Variants in TIAM1 observed in about 807,000 individuals in gnomAD.
TIAM1 encodes the protein TIAM Rac1 associated GEF 1, also known as rho guanine nucleotide exchange factor TIAM1.
Under a neutral mutation model 163.5 loss-of-function variants are expected in TIAM1, and 65 were observed. The ratio of observed to expected loss-of-function variants is 0.40; its 90% CI spans 0.33 to 0.49. The LOEUF (loss-of-function observed/expected upper bound fraction) is 0.49, where lower values mean the gene tolerates loss of function less well. Among genes scored for constraint, TIAM1 ranks in the 20% least tolerant of loss-of-function variants. The pLI, the probability that TIAM1 is intolerant of heterozygous loss-of-function variation, is 0.77. For synonymous variants in TIAM1, 833 were observed against 810.1 expected (o/e 1.03, Z -0.48); for missense variants, 1,789 against 2,044.7 (o/e 0.87, Z 2.41).
intron 2 of TIAM1, among the ~76,000 whole-genome samples, chr21:31,418,341 CAAAAAAAAAA>C (rs71193114): frequency 2.6e-4 from 9 of 34,746 alleles, no homozygotes; most frequent in Admixed American, 1.5e-3. Flanking sequence ...GACTCTGTCT[CAAAAAAAAAA>C]AAAAAAAAAA....
intron 1 of TIAM1, among the ~76,000 whole-genome samples, chr21:31,498,594 G>A (rs1053884933): frequency 1.3e-5 from 2 of 152,178 alleles, no homozygotes; most frequent in East Asian, 1.9e-4. Flanking sequence ...AAATGTGATT[G>A]ATATTTGTAT....
At chr21:31,430,219 AAAAAAAATATATATATATATATAT>A (rs1411520510) in intron 2 of TIAM1, among the ~76,000 whole-genome samples, 7 of 110,976 alleles carry the variant, frequency 6.3e-5, no homozygotes, top group African/African-American at 3.1e-4. Context: ...AGAAAAAAAA[AAAAAAAATATATATATATATATAT>A]ATATACACAC....
intron 12 of TIAM1, 65 bp from the exon 13 acceptor site, chr21:31,195,370 A>G: frequency 1.7e-6 from 2 of 1,163,494 alleles, no homozygotes; most frequent in South Asian, 2.7e-5. Flanking sequence ...AATGGTCATC[A>G]TTTCATAAAT....
chr21:31,304,306 C>T (rs997688021), intron 2 of TIAM1, among the ~76,000 whole-genome samples: 11 of 151,902 alleles, frequency 7.2e-5, no homozygotes, highest in East Asian at 5.8e-4. Flanking sequence ...GGAAGGAAAA[C>T]GAAGAGAAGG....
intron 15 of TIAM1, among the ~76,000 whole-genome samples, chr21:31,172,081 T>C (rs2084537939): frequency 1.3e-5 from 2 of 152,030 alleles, no homozygotes; most frequent in African/African-American, 4.8e-5. Flanking sequence ...TATTACGTGG[T>C]AGTAGATAAC....
intron 2 of TIAM1, among the ~76,000 whole-genome samples, chr21:31,291,822 C>T (rs1350680389): frequency 2.6e-5 from 4 of 152,154 alleles, no homozygotes; most frequent in South Asian, 4.2e-4. Context: ...CGTGCCCAGC[C>T]GAATTCCATG....
intron 2 of TIAM1, among the ~76,000 whole-genome samples, chr21:31,394,637 C>T (rs1459219775): frequency 6.6e-6 from 1 of 151,732 alleles, no homozygotes; most frequent in East Asian, 1.9e-4. Flanking sequence ...GCGCTTTCCA[C>T]CCAATTTGGC....
At chr21:31,156,010 GT>G (rs960843701) in intron 16 of TIAM1, among the ~76,000 whole-genome samples, 7 of 152,212 alleles carry the variant, frequency 4.6e-5, no homozygotes, top group African/African-American at 1.4e-4. Flanking sequence ...CAAGGCTGCT[GT>G]TTTGTGTAGG....
intron 20 of TIAM1, among the ~76,000 whole-genome samples, chr21:31,142,562 C>T (rs1253075911): frequency 7.4e-6 from 1 of 136,002 alleles, no homozygotes; most frequent in Non-Finnish European, 1.5e-5. Flanking sequence ...ACCTGGGAGG[C>T]GGAGGTTGCA....
At chr21:31,351,643 T>C (rs1017639577) in intron 2 of TIAM1, among the ~76,000 whole-genome samples, 4 of 151,990 alleles carry the variant, frequency 2.6e-5, no homozygotes, top group African/African-American at 9.7e-5. Context: ...CCCAAACAAA[T>C]TACAGAGGCA....
At chr21:31,302,229 A>G (rs558654149) in intron 2 of TIAM1, among the ~76,000 whole-genome samples, 2 of 152,222 alleles carry the variant, frequency 1.3e-5, no homozygotes, top group South Asian at 2.1e-4. Context: ...ACTGTCTTAT[A>G]TAAAATTAAA....
intron 2 of TIAM1, among the ~76,000 whole-genome samples, chr21:31,360,715 AC>A (rs1373248175): frequency 6.6e-6 from 1 of 152,238 alleles, no homozygotes; most frequent in African/African-American, 2.4e-5. Flanking sequence ...AATAAGAAAA[AC>A]ATCAACTACC....
chr21:31,312,844 T>C (rs376073439), intron 2 of TIAM1, among the ~76,000 whole-genome samples: 1 of 151,988 alleles, frequency 6.6e-6, no homozygotes, highest in South Asian at 2.1e-4. Flanking sequence ...CCAGACAGAA[T>C]GACGGGAAGA....
intron 2 of TIAM1, among the ~76,000 whole-genome samples, chr21:31,458,247 C>T (rs1193933642): frequency 1.3e-5 from 2 of 151,900 alleles, no homozygotes; most frequent in African/African-American, 4.8e-5. Flanking sequence ...TAGTGAAATC[C>T]GTCCCTACTA....
chr21:31,300,209 C>T (rs1000740043), intron 2 of TIAM1, among the ~76,000 whole-genome samples: 34 of 152,234 alleles, frequency 2.2e-4, no homozygotes, highest in African/African-American at 7.7e-4. Flanking sequence ...CCCCTGACTC[C>T]ACACTCTGGC....
chr21:31,228,245 AAAAAAAAAAAAAAAG>A (rs2088163309), intron 6 of TIAM1, among the ~76,000 whole-genome samples: 1 of 67,088 alleles, frequency 1.5e-5, no homozygotes. Flanking sequence ...AAAAAAAAAA[AAAAAAAAAAAAAAAG>A]GAAGGAAAAA....
intron 1 of TIAM1, among the ~76,000 whole-genome samples, chr21:31,498,877 C>T (rs559365247): frequency 1.3e-5 from 2 of 151,482 alleles, no homozygotes; most frequent in Non-Finnish European, 2.9e-5. Flanking sequence ...ACCCGGGAGG[C>T]GGGGGTTGCA....
At chr21:31,353,468 A>G (rs1041741) in intron 2 of TIAM1, among the ~76,000 whole-genome samples, 113,155 of 152,028 alleles carry the variant, frequency 0.74, 42,232 homozygotes, top group Middle Eastern at 0.79. Context: ...CCCTCATAAA[A>G]CTATGTGAAG....
chr21:31,359,434 G>A (rs1454995099), intron 2 of TIAM1, among the ~76,000 whole-genome samples: 3 of 151,946 alleles, frequency 2.0e-5, no homozygotes, highest in Non-Finnish European at 4.4e-5. Context: ...AGATTAGGTT[G>A]GCAGAATGAA....
Sources: gnomAD v4.1 joint callset for allele counts (sites outside exome capture counted in the v4.1 genomes callset) on GRCh38, gnomAD v4.1.1 for gene constraint, MANE v1.5 for transcripts, NCBI Gene and HGNC (gene_info 2026-07-23, HGNC 2026-07-21) for gene names.